Variants in CCDC88C observed in about 807,000 individuals in gnomAD.
CCDC88C encodes the protein protein Daple.
CCDC88C carries 131 observed loss-of-function variants against 198.8 expected under a neutral mutation model. The observed-to-expected ratio is 0.66, with a 90% CI of 0.57 to 0.76. The LOEUF (loss-of-function observed/expected upper bound fraction) is 0.76, where lower values mean the gene tolerates loss of function less well. Ranked by LOEUF, CCDC88C falls within the 30% of genes least tolerant of loss-of-function variation. The pLI is 0.00. For missense variants in CCDC88C, 2,553 were observed against 2,631.6 expected (o/e 0.97, Z 0.65); for synonymous variants, 1,166 against 1,114.7 (o/e 1.05, Z -0.92).
chr14:91,274,036 G>A lies in CCDC88C; in HGVS notation c.5059-383C>T, dbSNP rs112429272. Among the ~76,000 whole-genome samples the A allele has an allele frequency of 2.4e-3, 361 of 152,220 alleles. 2 individuals carry two copies. The highest frequency in any genetic ancestry group is 8.4e-3 in the African/African-American group (348 of 41,532). On this transcript the variant is annotated intron_variant, in intron 29 of 29. Coordinates refer to ENST00000389857, the MANE Select transcript of CCDC88C (RefSeq NM_001080414.4). ...GCACAGCAGGAACTAGAATGCTGGC[G>A]GATATGAGCAGGGCCTTCCTTCCCC...
At position 91,338,830 on chromosome 14, in the gene CCDC88C, A is replaced by C; in HGVS notation, c.810-260T>G. 3.9e-6 allele frequency: 2 copies of C among 518,822 alleles called. No homozygotes were observed. The highest frequency in any genetic ancestry group is 3.5e-6 in the Non-Finnish European group (1 of 286,346). The allele number at this position is 518,822 out of a possible 1,614,324, so 32.1% of individuals were successfully genotyped here. A position where few individuals can be genotyped will look rare whatever the true frequency, so the allele number is the denominator to read the frequency against. On this transcript the variant is annotated intron_variant, in intron 8 of 29. Transcript: ENST00000389857. The surrounding 1 kb of genome is among the most constrained non-coding windows in gnomAD (Gnocchi z 4.8). ...CTCCCTGTGTGTGGGGCAGGTAAGG[A>C]GACCCCAGCGGCAGCTGTACCACCC...
Position 91,287,424 on chromosome 14 carries a change from C to T in CCDC88C, c.4441+1681G>A, listed in dbSNP as rs1249317564. Among the ~76,000 whole-genome samples, 6 of 152,210 alleles carry T rather than the reference C, an allele frequency of 3.9e-5. No individual in the cohort carries two copies. In the East Asian group the frequency reaches 7.7e-4, roughly 20 times the overall value. On this transcript the variant is annotated intron_variant, in intron 25 of 29. Transcript: ENST00000389857. ...GGAGTACAGTGGTATGACCATAGCT[C>T]GCTGCAGCCACGACCTCCTGGGCTC...
chr14:91,366,164 AC>A (rs1894530821), intron 3 of CCDC88C, among the ~76,000 whole-genome samples: 1 of 126,860 alleles, frequency 7.9e-6, no homozygotes, highest in African/African-American at 4.4e-5. Flanking sequence ...ACACACACAC[AC>A]ACACACACAC....
chr14:91,341,282 A>T (rs551858979), intron 6 of CCDC88C, among the ~76,000 whole-genome samples: 1 of 152,184 alleles, frequency 6.6e-6, no homozygotes, highest in African/African-American at 2.4e-5. Flanking sequence ...GCCTCTGTAA[A>T]GGGTGGTGTG....
chr14:91,402,386 T>C (rs1288979861), intron 3 of CCDC88C, among the ~76,000 whole-genome samples: 3 of 152,236 alleles, frequency 2.0e-5, no homozygotes, highest in Admixed American at 6.5e-5. Flanking sequence ...CAGAGCATGC[T>C]TATCTAATAC....
At chr14:91,346,307 G>A (rs2031960220) in intron 4 of CCDC88C, among the ~76,000 whole-genome samples, 1 of 152,226 alleles carries the variant, frequency 6.6e-6, no homozygotes, top group Non-Finnish European at 1.5e-5. Context: ...GGCAGGGCAG[G>A]GAGAGACTGG....
intron 2 of CCDC88C, among the ~76,000 whole-genome samples, chr14:91,416,044 G>A (rs1270578563): frequency 6.6e-6 from 1 of 152,152 alleles, no homozygotes; most frequent in Non-Finnish European, 1.5e-5. Context: ...TGCAAAGGTA[G>A]AAGCCAACAC....
At chr14:91,330,460 C>T (rs1204426096) in intron 10 of CCDC88C, among the ~76,000 whole-genome samples, 1 of 152,146 alleles carries the variant, frequency 6.6e-6, no homozygotes, top group Non-Finnish European at 1.5e-5. Flanking sequence ...GGCAGACTGG[C>T]CAGTCCAGAC....
chr14:91,377,969 C>T (rs1323716704), intron 3 of CCDC88C, among the ~76,000 whole-genome samples: 1 of 152,166 alleles, frequency 6.6e-6, no homozygotes, highest in East Asian at 1.9e-4. Flanking sequence ...CACTGCCTAG[C>T]TGAGGGGAGA....
chr14:91,389,731 A>T (rs1194421602), intron 3 of CCDC88C, among the ~76,000 whole-genome samples: 2 of 151,344 alleles, frequency 1.3e-5, no homozygotes, highest in East Asian at 1.9e-4. Flanking sequence ...AAAATAAAAA[A>T]AAAAAAAGAA....
intron 3 of CCDC88C, among the ~76,000 whole-genome samples, chr14:91,395,589 G>A (rs1885793082): frequency 6.6e-6 from 1 of 152,062 alleles, no homozygotes; most frequent in Non-Finnish European, 1.5e-5. Context: ...GGTAACCAAA[G>A]AAGTCACCCC....
chr14:91,322,519 A>G, intron 12 of CCDC88C, among the ~76,000 whole-genome samples: 1 of 152,232 alleles, frequency 6.6e-6, no homozygotes, highest in East Asian at 1.9e-4. Flanking sequence ...TCCATCCCAA[A>G]TAAGCTGTAA....
intron 3 of CCDC88C, chr14:91,378,642 CT>C (rs1301214239): frequency 1.1e-5 from 1 of 94,640 alleles, no homozygotes; most frequent in African/African-American, 5.8e-5. Flanking sequence ...TTCCCATGCT[CT>C]TTTTTATGTA....
At chr14:91,416,665 CT>C (rs1358352648) in intron 2 of CCDC88C, 72 bp downstream of exon 2, 4 of 1,137,482 alleles carry the variant, frequency 3.5e-6, no homozygotes, top group Non-Finnish European at 5.2e-6. Flanking sequence ...GCCATGCAAC[CT>C]TCCACTCCAT....
In CCDC88C at chr14:91,273,741, GC is replaced by G; in HGVS notation, c.5059-89del. 1 of 1,193,984 alleles carries G rather than the reference GC, an allele frequency of 8.4e-7. No individual in the cohort carries two copies. The highest frequency in any genetic ancestry group is 1.1e-6 in the Non-Finnish European group (1 of 903,568). The allele number at this position is 1,193,984 out of a possible 1,614,324, so 74.0% of individuals were successfully genotyped here. A position where few individuals can be genotyped will look rare whatever the true frequency, so the allele number is the denominator to read the frequency against. On this transcript the variant is annotated intron_variant, in intron 29 of 29. Coordinates refer to ENST00000389857, the MANE Select transcript of CCDC88C (RefSeq NM_001080414.4). The surrounding 1 kb of genome is among the most constrained non-coding windows in gnomAD (Gnocchi z 5.6). ...CTCCTGCGCGGGACGCCCCCGAGCA[GC>G]CCACGTGGCTGGGACCGCAGTTCCT...
chr14:91,283,248 T>G (rs1309401147), intron 26 of CCDC88C, 81 bp downstream of exon 26: 8 of 1,407,288 alleles, frequency 5.7e-6, no homozygotes, highest in Admixed American at 2.0e-5. Flanking sequence ...GAGAGCAACC[T>G]CTCTGATTTC....
chr14:91,300,066 C>A lies in CCDC88C; in HGVS notation c.3640G>T (p.Gly1214Cys). The A allele has an allele frequency of 6.2e-7, 1 of 1,607,662 alleles. No homozygotes were observed. Among genetic ancestry groups the A allele is most frequent in the Non-Finnish European group, 8.5e-7 (1 of 1,177,598 alleles). ...LEHKELGERHGDMLKRKAELE... is the reference protein window; with the variant it reads ...LEHKELGERHCDMLKRKAELE... ...TCCGCCTTGCGCTTCAGCATGTCAC[C>A]GTGCCTGTTGGAGGGAAGCACCTGC... Residue 1214 changes from glycine (G) to cysteine (C), a missense_variant, in exon 21 of 30, where the codon GGT becomes TGT. Physicochemically the swap from Gly to Cys is radical, Grantham distance 159. Coordinates refer to ENST00000389857, the MANE Select transcript of CCDC88C (RefSeq NM_001080414.4).
At chr14:91,322,219 G>C (rs1892385248) in intron 12 of CCDC88C, among the ~76,000 whole-genome samples, 1 of 152,170 alleles carries the variant, frequency 6.6e-6, no homozygotes, top group South Asian at 2.1e-4. Context: ...CACCCCAGGG[G>C]CTGTGGGTAC....
intron 12 of CCDC88C, among the ~76,000 whole-genome samples, chr14:91,322,798 G>A (rs867541416): frequency 6.6e-6 from 1 of 151,622 alleles, no homozygotes; most frequent in Admixed American, 6.6e-5. Context: ...AAGGTTCTGT[G>A]AGTTAAACAA....
Sources: allele counts gnomAD v4.1 joint callset (sites outside exome capture counted in the v4.1 genomes callset), GRCh38; gene constraint gnomAD v4.1.1; non-coding constraint Gnocchi (gnomAD v3.1); transcripts MANE v1.5; gene names NCBI Gene and HGNC (gene_info 2026-07-23, HGNC 2026-07-21).